Variants in HECW2 observed in about 807,000 individuals in gnomAD.
HECW2 encodes HECT, C2 and WW domain containing E3 ubiquitin protein ligase 2.
Under a neutral mutation model 175.2 loss-of-function variants are expected in HECW2, and 61 were observed. The ratio of observed to expected loss-of-function variants is 0.35; its 90% CI spans 0.28 to 0.43. HECW2 has a LOEUF of 0.43. HECW2 is among the 20% of genes least tolerant of loss of function. The pLI, the probability that HECW2 is intolerant of heterozygous loss-of-function variation, is 1.00. For missense variants in HECW2, 1,524 were observed against 2,000.5 expected, an observed-to-expected ratio of 0.76 and a Z score of 4.54; for synonymous variants, 671 against 731.0, an observed-to-expected ratio of 0.92 and a Z score of 1.32.
intron 1 of HECW2, among the ~76,000 whole-genome samples, chr2:196,497,936 G>C (rs1396247678): frequency 1.3e-5 from 2 of 152,188 alleles, no homozygotes; most frequent in Non-Finnish European, 2.9e-5. Flanking sequence ...CTATGTGGCT[G>C]TCCACACTTT....
At chr2:196,542,415 T>C (rs899658829) in intron 1 of HECW2, among the ~76,000 whole-genome samples, 2 of 151,964 alleles carry the variant, frequency 1.3e-5, no homozygotes, top group Non-Finnish European at 2.9e-5. Context: ...AAATAAACAT[T>C]AAGAAAAATA....
In HECW2 at chr2:196,528,494, A is replaced by G. The variant is rs1386557106; in HGVS notation, c.-36+65014T>C. Among the ~76,000 whole-genome samples the G allele has an allele frequency of 3.9e-5, 6 of 152,216 alleles. No individual in the cohort carries two copies. The South Asian group carries it at 1.2e-3, about 31-fold the overall frequency. ...CAACCAAACACTAATAGATTTTCAAAGTCAGTGGTGAGAATCAGGGGCAGA... is the reference window on the plus strand; with the variant it reads ...CAACCAAACACTAATAGATTTTCAAGGTCAGTGGTGAGAATCAGGGGCAGA... On this transcript the variant is annotated intron_variant, in intron 1 of 28. Transcript: ENST00000644978.
chr2:196,320,491 C>T (rs369738336), intron 7 of HECW2, 52 bp from the exon 8 acceptor site: 15 of 1,220,018 alleles, frequency 1.2e-5, no homozygotes, highest in African/African-American at 8.9e-5. Flanking sequence ...AGTCAGCCTT[C>T]GCCGTCTTTC....
At chr2:196,533,738 T>C (rs918760209) in intron 1 of HECW2, among the ~76,000 whole-genome samples, 2 of 152,228 alleles carry the variant, frequency 1.3e-5, no homozygotes, top group African/African-American at 2.4e-5. Context: ...TCAACTTATC[T>C]CACTGTAAAA....
intron 1 of HECW2, among the ~76,000 whole-genome samples, chr2:196,571,200 T>C (rs1690372736): frequency 6.6e-6 from 1 of 152,210 alleles, no homozygotes; most frequent in Non-Finnish European, 1.5e-5. Flanking sequence ...TCAGATTACA[T>C]TTAATTTTGT....
chr2:196,316,582 G>A (rs1158322905), intron 10 of HECW2: 2 of 152,182 alleles, frequency 1.3e-5, no homozygotes, highest in East Asian at 3.8e-4. Context: ...TTAAAGGACT[G>A]TCGAAATTTA....
chr2:196,560,744 C>T (rs59011171), intron 1 of HECW2, among the ~76,000 whole-genome samples: 7,114 of 152,128 alleles, frequency 0.047, 195 homozygotes, highest in Middle Eastern at 0.11. Context: ...AGTCAGGGAC[C>T]GCGAACGGAG....
At chr2:196,327,257 T>G (rs1692189551) in intron 5 of HECW2, among the ~76,000 whole-genome samples, 1 of 152,198 alleles carries the variant, frequency 6.6e-6, no homozygotes, top group Non-Finnish European at 1.5e-5. Context: ...TGATACAAAA[T>G]TTTTCCACAA....
chr2:196,557,213 T>C (rs62184711), intron 1 of HECW2, among the ~76,000 whole-genome samples: 3,644 of 152,176 alleles, frequency 0.024, 55 homozygotes, highest in Non-Finnish European at 0.038. Context: ...CTGACCAACA[T>C]GGTGAAACCC....
intron 2 of HECW2, among the ~76,000 whole-genome samples, chr2:196,390,893 A>G (rs1243824898): frequency 6.6e-6 from 1 of 152,160 alleles, no homozygotes; most frequent in Non-Finnish European, 1.5e-5. Flanking sequence ...ATTGTCTAGG[A>G]AATTCTACAT....
intron 1 of HECW2, among the ~76,000 whole-genome samples, chr2:196,453,848 TCAAAAA>T (rs764616907): frequency 1.9e-4 from 29 of 152,056 alleles, no homozygotes; most frequent in Non-Finnish European, 2.8e-4. Flanking sequence ...AGTTGAAACT[TCAAAAA>T]CAAAATTGTG....
chr2:196,489,284 T>A (rs1162838885), intron 1 of HECW2, among the ~76,000 whole-genome samples: 1 of 152,188 alleles, frequency 6.6e-6, no homozygotes, highest in Non-Finnish European at 1.5e-5. Flanking sequence ...TTTCAAGGAC[T>A]GAAAGAGAGA....
intron 1 of HECW2, among the ~76,000 whole-genome samples, chr2:196,523,341 G>T (rs1191726331): frequency 8.6e-5 from 13 of 151,730 alleles, no homozygotes; most frequent in East Asian, 3.9e-4. Context: ...CTGAGACTTT[G>T]CTGAAGTTGC....
chr2:196,379,684 C>CAAAAAAAAAA (rs1228923177), intron 2 of HECW2, among the ~76,000 whole-genome samples: 2 of 28,256 alleles, frequency 7.1e-5, no homozygotes, highest in African/African-American at 1.3e-4. Flanking sequence ...TACTCCGTCT[C>CAAAAAAAAAA]AAAAAAAAAA....
At chr2:196,344,184 C>A (rs16849975) in intron 2 of HECW2, among the ~76,000 whole-genome samples, 3,618 of 152,024 alleles carry the variant, frequency 0.024, 132 homozygotes, top group African/African-American at 0.083. Flanking sequence ...ACAAAAGGGA[C>A]GTTAAGCTAC....
chr2:196,289,981 T>G (rs148091732), intron 14 of HECW2: 1 of 152,338 alleles, frequency 6.6e-6, no homozygotes, highest in Non-Finnish European at 1.5e-5. Flanking sequence ...GCTAAAAATC[T>G]TATTAAAGTC....
chr2:196,576,580 G>A lies in HECW2; in HGVS notation c.-36+16928C>T, dbSNP rs994360974. On this transcript the variant is annotated intron_variant, in intron 1 of 28. Coordinates refer to ENST00000644978, the MANE Select transcript of HECW2 (RefSeq NM_001348768.2). The stretch of plus-strand genomic sequence containing the variant: ...AGGTGGGGAAAATGGGGATATATTC[G>A]TCAAACATACAAAGTTTCAGTTATG... Among the ~76,000 whole-genome samples the A allele has an allele frequency of 3.3e-5, 5 of 152,198 alleles. No individual in the cohort carries two copies. The South Asian group carries it at 6.2e-4, about 19-fold the overall frequency.
intron 19 of HECW2, among the ~76,000 whole-genome samples, chr2:196,252,010 C>A (rs144567407): frequency 0.013 from 1,961 of 151,784 alleles, 50 homozygotes; most frequent in African/African-American, 0.044. Flanking sequence ...ACCAGCCTGG[C>A]CAACATGATG....
chr2:196,512,911 CAAACTCCTGACCTCAGGCAATCTG>C (rs1379009082), intron 1 of HECW2, among the ~76,000 whole-genome samples: 1 of 152,098 alleles, frequency 6.6e-6, no homozygotes, highest in Non-Finnish European at 1.5e-5. Context: ...AGGCTGGTCT[CAAACTCCTGACCTCAGGCAATCTG>C]CCCACCTCAG....
Sources: allele counts gnomAD v4.1 joint callset (sites outside exome capture counted in the v4.1 genomes callset), GRCh38; gene constraint gnomAD v4.1.1; transcripts MANE v1.5; gene names NCBI Gene and HGNC (gene_info 2026-07-23, HGNC 2026-07-21).